RGPD2: variants seen among roughly 807,000 people sequenced by gnomAD.
RGPD2 encodes RANBP2-like and GRIP domain-containing protein 2.
A neutral mutation model predicts 36.0 loss-of-function variants in RGPD2; 2 were observed. The ratio of observed to expected loss-of-function variants is 0.06; its 90% CI spans 0.02 to 0.17. The LOEUF (loss-of-function observed/expected upper bound fraction) is 0.17. Ranked by LOEUF, RGPD2 falls within the 10% of genes least tolerant of loss-of-function variation. The pLI is 1.00. For synonymous variants in RGPD2, 19 were observed against 163.8 expected, an observed-to-expected ratio of 0.12 and a Z score of 6.75; for missense variants, 40 against 464.3, an observed-to-expected ratio of 0.09 and a Z score of 8.40.
At chr2:87,883,815 G>T in the RGPD2 span, among the ~76,000 whole-genome samples, 2 of 152,030 alleles carry the variant, frequency 1.3e-5, no homozygotes, top group African/African-American at 2.4e-5. Flanking sequence ...ATAATAAATC[G>T]AAAGGAGACA....
the RGPD2 span, among the ~76,000 whole-genome samples, chr2:87,839,914 C>T: frequency 6.6e-6 from 1 of 151,580 alleles, no homozygotes; most frequent in Non-Finnish European, 1.5e-5. Flanking sequence ...AAAAAAAAAA[C>T]ACATTATTCC....
chr2:87,910,405 A>G, the RGPD2 span, among the ~76,000 whole-genome samples: 1 of 152,056 alleles, frequency 6.6e-6, no homozygotes, highest in South Asian at 2.1e-4. Flanking sequence ...CTTGATTCTC[A>G]AGCCTGCATA....
chr2:87,921,795 G>C, the RGPD2 span, among the ~76,000 whole-genome samples: 4 of 152,248 alleles, frequency 2.6e-5, no homozygotes, highest in East Asian at 5.8e-4. Context: ...ACAATGACAG[G>C]GGAGAATCTA....
At chr2:87,973,025 C>A in the RGPD2 span, 1 of 1,595,774 alleles carries the variant, frequency 6.3e-7, no homozygotes, top group Non-Finnish European at 8.6e-7. Flanking sequence ...CACCTTCAAG[C>A]CCCCAGCCTA....
rs538223012 is a variant in RGPD2, at chr2:87,769,531, G to C, written c.5236+2638C>G. On this transcript the variant is annotated intron_variant, in intron 22 of 22. Coordinates refer to ENST00000398146, the MANE Select transcript of RGPD2 (RefSeq NM_001078170.3). The stretch of plus-strand genomic sequence containing the variant: ...AAATATCTGTTCTTGGTATCCCTTA[G>C]GTTAGTCTCTTTTAGAACTTCTAAA... Among the ~76,000 whole-genome samples, 13 of 149,846 alleles carry C rather than the reference G, an allele frequency of 8.7e-5. No homozygotes were observed. In the East Asian group the frequency reaches 2.2e-3, roughly 26 times the overall value.
the RGPD2 span, among the ~76,000 whole-genome samples, chr2:87,876,760 G>A: frequency 4.8e-4 from 73 of 152,216 alleles, no homozygotes; most frequent in Non-Finnish European, 7.1e-4. Flanking sequence ...GAATATCTTC[G>A]TTAATTCTCT....
chr2:87,922,336 T>C, the RGPD2 span, among the ~76,000 whole-genome samples: 1 of 151,424 alleles, frequency 6.6e-6, no homozygotes, highest in Non-Finnish European at 1.5e-5. Context: ...AATAGGTTTA[T>C]ATGTATAGTA....
intron 8 of RGPD2, among the ~76,000 whole-genome samples, chr2:87,798,675 G>A (rs1685781507): frequency 9.0e-6 from 1 of 111,676 alleles, no homozygotes; most frequent in Admixed American, 9.9e-5. Flanking sequence ...CTAACACAGT[G>A]AAACTCCGTC....
At chr2:87,922,352 C>T in the RGPD2 span, among the ~76,000 whole-genome samples, 1 of 134,256 alleles carries the variant, frequency 7.4e-6, no homozygotes, top group Non-Finnish European at 1.6e-5. Flanking sequence ...TAGTAACTAA[C>T]ATATTATAAA....
At chr2:87,880,130 C>T in the RGPD2 span, among the ~76,000 whole-genome samples, 1 of 131,372 alleles carries the variant, frequency 7.6e-6, no homozygotes, top group Admixed American at 7.5e-5. Context: ...AAAGTCTATT[C>T]AAGTTCTTTA....
chr2:87,861,263 T>C, the RGPD2 span, among the ~76,000 whole-genome samples: 1 of 151,706 alleles, frequency 6.6e-6, no homozygotes, highest in Non-Finnish European at 1.5e-5. Context: ...AAAAAGCAAA[T>C]TGAAGTCTTT....
intron 17 of RGPD2, among the ~76,000 whole-genome samples, chr2:87,789,816 CT>C (rs1685627174): frequency 6.8e-6 from 1 of 147,542 alleles, no homozygotes; most frequent in African/African-American, 2.5e-5. Context: ...ATATTAGCTC[CT>C]ATCTTAAAAT....
At chr2:87,836,340 AG>A in the RGPD2 span, among the ~76,000 whole-genome samples, 147 of 151,880 alleles carry the variant, frequency 9.7e-4, no homozygotes, top group Middle Eastern at 0.01. Context: ...GAAGGAAGGA[AG>A]GAAAAAAAAG....
At chr2:87,878,238 T>C in the RGPD2 span, among the ~76,000 whole-genome samples, 5 of 151,680 alleles carry the variant, frequency 3.3e-5, no homozygotes, top group African/African-American at 9.7e-5. Flanking sequence ...TATTCTTTTT[T>C]CTCTATTCTT....
At chr2:87,971,693 T>C in the RGPD2 span, among the ~76,000 whole-genome samples, 1 of 151,690 alleles carries the variant, frequency 6.6e-6, no homozygotes, top group Non-Finnish European at 1.5e-5. Flanking sequence ...TGGAACTTGA[T>C]TATTTATTTA....
chr2:87,922,003 A>G, the RGPD2 span, among the ~76,000 whole-genome samples: 1 of 150,844 alleles, frequency 6.6e-6, no homozygotes, highest in African/African-American at 2.5e-5. Context: ...TTTTGAAACC[A>G]AAAAAGTAGG....
At chr2:87,842,200 T>A in the RGPD2 span, among the ~76,000 whole-genome samples, 1 of 151,956 alleles carries the variant, frequency 6.6e-6, no homozygotes, top group Admixed American at 6.6e-5. Context: ...GTGTTGGAAG[T>A]TGTGGCCAGG....
the RGPD2 span, among the ~76,000 whole-genome samples, chr2:87,903,558 C>T: frequency 0.097 from 14,661 of 151,682 alleles, 919 homozygotes; most frequent in Non-Finnish European, 0.15. Flanking sequence ...AGGTTCCTCC[C>T]CCCAGACATA....
chr2:87,876,619 A>G, the RGPD2 span, among the ~76,000 whole-genome samples: 1 of 152,388 alleles, frequency 6.6e-6, no homozygotes, highest in East Asian at 1.9e-4. Context: ...AGTGTTTTAC[A>G]TCTGATTATG....
Sources: allele counts gnomAD v4.1 joint callset (sites outside exome capture counted in the v4.1 genomes callset), GRCh38; gene constraint gnomAD v4.1.1; transcripts MANE v1.5; gene names NCBI Gene and HGNC (gene_info 2026-07-23, HGNC 2026-07-21).